Variants in KATNBL1 observed in about 807,000 individuals in gnomAD.
KATNBL1 encodes the protein katanin regulatory subunit B1 like 1.
A neutral mutation model predicts 44.7 loss-of-function variants in KATNBL1; 28 were observed. The ratio of observed to expected loss-of-function variants is 0.63; its 90% CI spans 0.46 to 0.86. KATNBL1 has a LOEUF of 0.86. KATNBL1 is among the 40% of genes least tolerant of loss of function. The probability of loss-of-function intolerance (pLI) is 0.00; values close to 1 mark genes in which losing one functional copy is unlikely to be tolerated. For missense variants in KATNBL1, 272 were observed against 350.7 expected, an observed-to-expected ratio of 0.78 and a Z score of 1.79; for synonymous variants, 78 against 114.9, an observed-to-expected ratio of 0.68 and a Z score of 2.06.
intron 4 of KATNBL1, among the ~76,000 whole-genome samples, chr15:34,152,482 G>A (rs1434723468): frequency 6.6e-6 from 1 of 152,194 alleles, no homozygotes; most frequent in Non-Finnish European, 1.5e-5. Flanking sequence ...ACTGTGTCCG[G>A]CCTAGTGCTC....
chr15:34,154,714 A>G, intron 2 of KATNBL1, 30 bp from the exon 3 acceptor site: 1 of 1,443,382 alleles, frequency 6.9e-7, no homozygotes. Flanking sequence ...AGTTGATGTT[A>G]GAAACAAATG....
chr15:34,165,510 A>G (rs1194191908), intron 1 of KATNBL1, among the ~76,000 whole-genome samples: 2 of 152,308 alleles, frequency 1.3e-5, no homozygotes, highest in East Asian at 3.9e-4. Context: ...TAAAAGTGGT[A>G]ACTTGATCAG....
Position 34,194,011 on chromosome 15 carries a change from G to A in KATNBL1, c.-15+15940C>T, listed in dbSNP as rs1376425520. ...GACTGGAATGCAGTGGCACGATCTC[G>A]GCTCACCACAACGTCCGCCTCCTGG... On this transcript the variant is annotated intron_variant, in intron 1 of 9. Transcript: ENST00000256544. Among the ~76,000 whole-genome samples the A allele has an allele frequency of 5.3e-5, 8 of 151,902 alleles. No individual in the cohort carries two copies. The South Asian group carries it at 6.2e-4, about 12-fold the overall frequency.
intron 3 of KATNBL1, among the ~76,000 whole-genome samples, chr15:34,153,405 T>C (rs958230258): frequency 8.5e-5 from 13 of 152,284 alleles, no homozygotes; most frequent in African/African-American, 3.1e-4. Context: ...TCTAACAAAG[T>C]GGCAAATAAG....
chr15:34,175,471 C>T (rs7174442), intron 1 of KATNBL1, among the ~76,000 whole-genome samples: 49,818 of 152,014 alleles, frequency 0.33, 8,583 homozygotes, highest in African/African-American at 0.45. Context: ...CTCTAGATGA[C>T]AACGTACATA....
intron 1 of KATNBL1, among the ~76,000 whole-genome samples, chr15:34,182,496 A>G (rs1296673205): frequency 3.3e-5 from 5 of 152,148 alleles, no homozygotes; most frequent in Admixed American, 3.3e-4. Flanking sequence ...CCAAACTAGG[A>G]CACTTTTGAG....
intron 1 of KATNBL1, among the ~76,000 whole-genome samples, chr15:34,205,802 G>A (rs1188253316): frequency 8.5e-5 from 13 of 152,106 alleles, no homozygotes; most frequent in Admixed American, 7.9e-4. Context: ...TACGCACTAG[G>A]GAAACATCAG....
chr15:34,172,253 A>ATTGTTT, intron 1 of KATNBL1, among the ~76,000 whole-genome samples: 1 of 46,860 alleles, frequency 2.1e-5, no homozygotes, highest in Non-Finnish European at 4.6e-5. Context: ...GGAGGAACAT[A>ATTGTTT]TTCTTTTTTT....
chr15:34,171,305 C>T (rs1428387994), intron 1 of KATNBL1, among the ~76,000 whole-genome samples: 5 of 152,186 alleles, frequency 3.3e-5, no homozygotes, highest in Admixed American at 2.6e-4. Context: ...CAAAAGAAGA[C>T]ATTTATGCAG....
At chr15:34,182,429 T>G (rs1381063822) in intron 1 of KATNBL1, among the ~76,000 whole-genome samples, 1 of 152,094 alleles carries the variant, frequency 6.6e-6, no homozygotes, top group African/African-American at 2.4e-5. Context: ...GTAAAGCAAA[T>G]GAAATATAAT....
intron 1 of KATNBL1, among the ~76,000 whole-genome samples, chr15:34,192,821 C>G (rs971873461): frequency 6.6e-5 from 10 of 152,208 alleles, no homozygotes; most frequent in Non-Finnish European, 1.3e-4. Context: ...CTGAATGCTT[C>G]CACAAAGGTG....
chr15:34,207,690 T>C (rs1207131920), intron 1 of KATNBL1, among the ~76,000 whole-genome samples: 1 of 152,044 alleles, frequency 6.6e-6, no homozygotes, highest in Non-Finnish European at 1.5e-5. Flanking sequence ...AGCCTTGACC[T>C]CTTGGGCTTA....
At chr15:34,186,178 A>T (rs8043216) in intron 1 of KATNBL1, among the ~76,000 whole-genome samples, 81,971 of 151,988 alleles carry the variant, frequency 0.54, 23,672 homozygotes, top group East Asian at 0.71. Context: ...ATTGTGGGCA[A>T]CTAGGTACCA....
intron 1 of KATNBL1, among the ~76,000 whole-genome samples, chr15:34,183,345 C>T (rs1889620597): frequency 6.6e-6 from 1 of 152,116 alleles, no homozygotes; most frequent in African/African-American, 2.4e-5. Context: ...TCCTCCTGCC[C>T]CTCCCAGCTC....
chr15:34,187,799 T>G (rs1425347401), intron 1 of KATNBL1, among the ~76,000 whole-genome samples: 2 of 152,076 alleles, frequency 1.3e-5, no homozygotes, highest in African/African-American at 4.8e-5. Context: ...AGAAAACAGA[T>G]TCTTACTGAA....
At chr15:34,166,913 G>A (rs1300652206) in intron 1 of KATNBL1, among the ~76,000 whole-genome samples, 3 of 152,136 alleles carry the variant, frequency 2.0e-5, no homozygotes, top group African/African-American at 4.8e-5. Flanking sequence ...CAACAAAAAG[G>A]ACATCCACAC....
chr15:34,184,725 A>T (rs1889673214), intron 1 of KATNBL1, among the ~76,000 whole-genome samples: 1 of 151,324 alleles, frequency 6.6e-6, no homozygotes, highest in South Asian at 2.1e-4. Flanking sequence ...GGCGCCCGCC[A>T]CCATGCCCGG....
intron 1 of KATNBL1, among the ~76,000 whole-genome samples, chr15:34,166,698 C>T (rs749498799): frequency 2.1e-4 from 32 of 152,282 alleles, no homozygotes; most frequent in Non-Finnish European, 4.1e-4. Context: ...GGCCGACTGA[C>T]ACCTCATACA....
intron 4 of KATNBL1, among the ~76,000 whole-genome samples, chr15:34,149,824 A>G (rs1011567686): frequency 3.2e-4 from 49 of 152,220 alleles, no homozygotes; most frequent in African/African-American, 1.1e-3. Flanking sequence ...ACTTGAGCTC[A>G]GGAGTTTGAG....
Sources: allele counts gnomAD v4.1 joint callset (sites outside exome capture counted in the v4.1 genomes callset), GRCh38; gene constraint gnomAD v4.1.1; transcripts MANE v1.5; gene names NCBI Gene and HGNC (gene_info 2026-07-23, HGNC 2026-07-21).